Variants in PLD5 observed in about 807,000 individuals in gnomAD.
PLD5 encodes phospholipase D family member 5, also known as inactive phospholipase D5.
In PLD5, 36 loss-of-function variants were observed where a neutral mutation model predicts 61.1. The ratio of observed to expected loss-of-function variants is 0.59; its 90% CI spans 0.45 to 0.78. The LOEUF (loss-of-function observed/expected upper bound fraction) is 0.78, where lower values mean the gene tolerates loss of function less well. Among genes scored for constraint, PLD5 ranks in the 30% least tolerant of loss-of-function variants. The probability of loss-of-function intolerance (pLI) is 0.00; values close to 1 mark genes in which losing one functional copy is unlikely to be tolerated. For missense variants in PLD5, 515 were observed against 644.4 expected, an observed-to-expected ratio of 0.80 and a Z score of 2.17; for synonymous variants, 243 against 242.8, an observed-to-expected ratio of 1.00 and a Z score of -0.01.
At chr1:242,404,813 AC>A (rs1329768842) in intron 1 of PLD5, among the ~76,000 whole-genome samples, 2 of 145,946 alleles carry the variant, frequency 1.4e-5, no homozygotes, top group Non-Finnish European at 3.0e-5. Context: ...CTTCCATCAG[AC>A]CTTTATCTGA....
intron 5 of PLD5, among the ~76,000 whole-genome samples, chr1:242,136,524 A>G (rs570986152): frequency 2.5e-4 from 38 of 152,278 alleles, no homozygotes; most frequent in African/African-American, 8.4e-4. Flanking sequence ...CAGTATGGGC[A>G]TGAATATGGA....
At chr1:242,185,671 C>G (rs1667828004) in intron 5 of PLD5, among the ~76,000 whole-genome samples, 1 of 152,040 alleles carries the variant, frequency 6.6e-6, no homozygotes, top group Non-Finnish European at 1.5e-5. Context: ...TAATTAATTC[C>G]CCTAATTAGA....
At chr1:242,362,574 C>T (rs1196663927) in intron 1 of PLD5, among the ~76,000 whole-genome samples, 2 of 152,090 alleles carry the variant, frequency 1.3e-5, no homozygotes, top group Non-Finnish European at 2.9e-5. Context: ...TCTTGAGCTC[C>T]TAGTGATGTT....
intron 1 of PLD5, among the ~76,000 whole-genome samples, chr1:242,367,721 A>T (rs1282000706): frequency 6.6e-6 from 1 of 152,170 alleles, no homozygotes; most frequent in Non-Finnish European, 1.5e-5. Flanking sequence ...ATCACGAAAG[A>T]GGTACTGAAC....
chr1:242,113,176 G>A (rs1489447463), intron 7 of PLD5, among the ~76,000 whole-genome samples: 2 of 140,312 alleles, frequency 1.4e-5, no homozygotes, highest in South Asian at 2.3e-4. Flanking sequence ...TGCAAACTCC[G>A]CCTCCCAGGT....
chr1:242,246,388 C>A (rs1198248038), intron 4 of PLD5, among the ~76,000 whole-genome samples: 1 of 151,818 alleles, frequency 6.6e-6, no homozygotes, highest in Non-Finnish European at 1.5e-5. Flanking sequence ...AAATAACTCA[C>A]AGAGGTCACA....
intron 1 of PLD5, among the ~76,000 whole-genome samples, chr1:242,463,400 A>G (rs1366528370): frequency 6.6e-6 from 1 of 152,168 alleles, no homozygotes; most frequent in Non-Finnish European, 1.5e-5. Context: ...AACAAACTCC[A>G]AATTCATGCT....
chr1:242,470,908 C>T (rs1303496416), intron 1 of PLD5, among the ~76,000 whole-genome samples: 1 of 152,226 alleles, frequency 6.6e-6, no homozygotes, highest in Non-Finnish European at 1.5e-5. Flanking sequence ...GGGACTCAGG[C>T]GCTCCCCTTT....
chr1:242,185,067 G>A (rs183714057), intron 5 of PLD5, among the ~76,000 whole-genome samples: 38 of 152,296 alleles, frequency 2.5e-4, no homozygotes, highest in African/African-American at 8.9e-4. Flanking sequence ...GAAGACTTGA[G>A]CAATGGTGAC....
chr1:242,123,914 C>A (rs556694152), intron 6 of PLD5, among the ~76,000 whole-genome samples: 1 of 152,108 alleles, frequency 6.6e-6, no homozygotes, highest in Non-Finnish European at 1.5e-5. Flanking sequence ...GTCAGAGGCC[C>A]GAAGCTGTGC....
At chr1:242,367,008 A>AAAG (rs145844871) in intron 1 of PLD5, among the ~76,000 whole-genome samples, 3,237 of 152,310 alleles carry the variant, frequency 0.021, 52 homozygotes, top group East Asian at 0.033. Flanking sequence ...TTAGCATACA[A>AAAG]AATATAATAT....
chr1:242,233,509 T>C (rs1671441962), intron 4 of PLD5, among the ~76,000 whole-genome samples: 1 of 151,618 alleles, frequency 6.6e-6, no homozygotes, highest in Non-Finnish European at 1.5e-5. Flanking sequence ...CCCTATTCAA[T>C]ATTGTTCCTT....
chr1:242,206,930 T>TG (rs762723010), intron 5 of PLD5, among the ~76,000 whole-genome samples: 20 of 152,272 alleles, frequency 1.3e-4, no homozygotes, highest in Non-Finnish European at 4.4e-5. Context: ...CATATGATTG[T>TG]GGGGGCTGTA....
intron 1 of PLD5, among the ~76,000 whole-genome samples, chr1:242,426,759 T>C (rs1020888680): frequency 2.0e-5 from 3 of 152,210 alleles, no homozygotes; most frequent in Admixed American, 6.5e-5. Context: ...TCTTAGATCA[T>C]TGGGGCAGAG....
intron 4 of PLD5, among the ~76,000 whole-genome samples, chr1:242,250,410 G>A (rs538358799): frequency 2.0e-5 from 3 of 152,318 alleles, no homozygotes; most frequent in African/African-American, 4.8e-5. Context: ...GGGGAATGGG[G>A]AAGGGCAGAC....
intron 5 of PLD5, among the ~76,000 whole-genome samples, chr1:242,167,890 A>G (rs1666444921): frequency 6.6e-6 from 1 of 152,260 alleles, no homozygotes; most frequent in Non-Finnish European, 1.5e-5. Context: ...GCTCATTCAC[A>G]TGTGTTTACA....
At chr1:242,420,627 T>A (rs1183344309) in intron 1 of PLD5, among the ~76,000 whole-genome samples, 1 of 152,184 alleles carries the variant, frequency 6.6e-6, no homozygotes, top group Admixed American at 6.5e-5. Context: ...TACACTTGCA[T>A]GCCTCCAACT....
chr1:242,217,725 G>A (rs1670305994), intron 5 of PLD5, among the ~76,000 whole-genome samples: 1 of 152,180 alleles, frequency 6.6e-6, no homozygotes, highest in Admixed American at 6.5e-5. Flanking sequence ...ACTCTGAGGG[G>A]TTTAAGACTT....
intron 5 of PLD5, among the ~76,000 whole-genome samples, chr1:242,217,707 C>T (rs10803024): frequency 0.6 from 91,082 of 152,052 alleles, 29,646 homozygotes; most frequent in South Asian, 0.81. Flanking sequence ...TTCTAACCCT[C>T]ATGGATGACT....
Sources: gnomAD v4.1 joint callset for allele counts (sites outside exome capture counted in the v4.1 genomes callset) on GRCh38, gnomAD v4.1.1 for gene constraint, MANE v1.5 for transcripts, NCBI Gene and HGNC (gene_info 2026-07-23, HGNC 2026-07-21) for gene names.